ZNF518A: variants seen among roughly 807,000 people sequenced by gnomAD.
The protein encoded by ZNF518A is zinc finger protein 518.
Under a neutral mutation model 102.7 loss-of-function variants are expected in ZNF518A, and 47 were observed. The ratio of observed to expected loss-of-function variants is 0.46; its 90% CI spans 0.36 to 0.58. ZNF518A has a LOEUF of 0.58. Among genes scored for constraint, ZNF518A ranks in the 20% least tolerant of loss-of-function variants. The pLI, the probability that ZNF518A is intolerant of heterozygous loss-of-function variation, is 0.00. For missense variants in ZNF518A, 1,793 were observed against 1,699.8 expected (o/e 1.05, Z -0.96); for synonymous variants, 652 against 594.6 (o/e 1.10, Z -1.40).
intron 1 of ZNF518A, among the ~76,000 whole-genome samples, chr10:96,187,353 CTGAGTTATATGG>C (rs1362683863): frequency 1.4e-4 from 22 of 152,296 alleles, no homozygotes; most frequent in African/African-American, 4.8e-4. Flanking sequence ...GAAATAGAGG[CTGAGTTATATGG>C]TGTCTTAAGA....
At chr10:96,182,774 G>T (rs1347062905) in intron 1 of ZNF518A, among the ~76,000 whole-genome samples, 1 of 152,128 alleles carries the variant, frequency 6.6e-6, no homozygotes, top group Non-Finnish European at 1.5e-5. Context: ...CAAGGCTATT[G>T]CTCTAAAATT....
intron 3 of ZNF518A, among the ~76,000 whole-genome samples, chr10:96,143,572 T>C (rs782711237): frequency 3.3e-5 from 5 of 152,214 alleles, no homozygotes; most frequent in Non-Finnish European, 5.9e-5. Context: ...TTGTCAACTT[T>C]CTGTAGTATG....
intron 1 of ZNF518A, among the ~76,000 whole-genome samples, chr10:96,171,360 TAAATG>T (rs1239869634): frequency 6.6e-6 from 1 of 152,102 alleles, no homozygotes; most frequent in Non-Finnish European, 1.5e-5. Context: ...ATCATAAAAA[TAAATG>T]AGATAGTAAT....
intron 1 of ZNF518A, among the ~76,000 whole-genome samples, chr10:96,186,273 T>G (rs1300428684): frequency 6.6e-6 from 1 of 152,226 alleles, no homozygotes; most frequent in Non-Finnish European, 1.5e-5. Flanking sequence ...CAATTGGAAA[T>G]GCAGAAATCA....
At chr10:96,155,081 T>TA (rs1400961527) in intron 3 of ZNF518A, among the ~76,000 whole-genome samples, 1 of 151,902 alleles carries the variant, frequency 6.6e-6, no homozygotes, top group Non-Finnish European at 1.5e-5. Flanking sequence ...AGCACAAAAT[T>TA]AAAAACATGT....
chr10:96,150,170 A>C (rs2082363629), intron 3 of ZNF518A, among the ~76,000 whole-genome samples: 2 of 80,588 alleles, frequency 2.5e-5, no homozygotes, highest in South Asian at 1.2e-3. Context: ...TAAAAATACA[A>C]AAAAAAAAAA....
chr10:96,203,899 A>G, intron 2 of ZNF518A: 3 of 530,974 alleles, frequency 5.6e-6, no homozygotes, highest in South Asian at 3.6e-5. Context: ...TGAAATAAAC[A>G]TTCTTGGCCC....
chr10:96,151,475 C>T (rs1387440470), intron 3 of ZNF518A: 1 of 152,248 alleles, frequency 6.6e-6, no homozygotes, highest in Non-Finnish European at 1.5e-5. Context: ...GTTCTGGATT[C>T]ATTTCCTTCT....
chr10:96,201,026 C>T, intron 1 of ZNF518A: 1 of 1,614,102 alleles, frequency 6.2e-7, no homozygotes, highest in Non-Finnish European at 8.5e-7. Context: ...GGTAGGGGCC[C>T]ATCCACAGTT....
At position 96,157,203 on chromosome 10, in the gene ZNF518A, A is replaced by G. The variant is rs587717657; in HGVS notation, c.881A>G (p.Lys294Arg). Residue 294 changes from lysine (K) to arginine (R), a missense_variant, in exon 6 of 6, where the codon AAA becomes AGA. Around this residue, in one of 3 missense-constraint regions of ZNF518A, gnomAD observed 1,741 missense variants for 1,622.6 expected, o/e 1.07. Coordinates refer to ENST00000316045, the MANE Select transcript of ZNF518A (RefSeq NM_001330736.2). ...LHKEHLYAKE[K>R]LEKDKYEKRM... Reference sequence around the variant, plus strand: ...AAAGAACATTTATATGCAAAAGAAAAACTGGAAAAAGACAAATATGAAAAA... The same window carrying G: ...AAAGAACATTTATATGCAAAAGAAAGACTGGAAAAAGACAAATATGAAAAA... 8.1e-6 allele frequency: 13 copies of G among 1,610,244 alleles called. 1 individual carries two copies. The South Asian group carries it at 1.3e-4, about 16-fold the overall frequency.
rs2133931930 is a variant in ZNF518A, at chr10:96,197,049, A to G, written n.36-6525A>G. ...AATCATGGCCAGAGCTTTTCCGAAT[A>G]AGAAATGATCCATCCTGTTTAATTT... On this transcript the variant is annotated intron_variant and non_coding_transcript_variant, in intron 1 of 2. Coordinates refer to the ZNF518A transcript ENST00000442635. 2 of 1,612,734 alleles carry G rather than the reference A, an allele frequency of 1.2e-6. No homozygotes were observed. The highest frequency in any genetic ancestry group is 8.5e-7 in the Non-Finnish European group (1 of 1,179,342).
rs993767208 is a variant in ZNF518A, at chr10:96,133,603, C to T, written c.-347C>T. The stretch of plus-strand genomic sequence containing the variant: ...GATAGGTCCTGGGATCTTTGAAATG[C>T]TAAGATTCTTGGATACCACAGTATC... On this transcript the variant is annotated 5_prime_UTR_variant, in exon 3 of 6. Transcript: ENST00000316045. The T allele has an allele frequency of 1.3e-5, 2 of 152,120 alleles. No individual in the cohort carries two copies. Among genetic ancestry groups the T allele is most frequent in the African/African-American group, 4.8e-5 (2 of 41,434 alleles). 9.4% of individuals were successfully genotyped at this position (152,120 alleles called of 1,614,324 possible). A position where few individuals can be genotyped will look rare whatever the true frequency, so the allele number is the denominator to read the frequency against.
chr10:96,181,911 T>A (rs1554892057), intron 1 of ZNF518A, among the ~76,000 whole-genome samples: 2 of 152,360 alleles, frequency 1.3e-5, no homozygotes, highest in East Asian at 3.9e-4. Context: ...GCATTGAATC[T>A]ATAAATTACC....
intron 1 of ZNF518A, among the ~76,000 whole-genome samples, chr10:96,188,983 T>A (rs1362062304): frequency 6.6e-6 from 1 of 152,194 alleles, no homozygotes; most frequent in Non-Finnish European, 1.5e-5. Flanking sequence ...GGCCTACAGA[T>A]GCATCACTCC....
At chr10:96,151,500 C>T (rs2082448908) in intron 3 of ZNF518A, 1 of 152,268 alleles carries the variant, frequency 6.6e-6, no homozygotes, top group Non-Finnish European at 1.5e-5. Flanking sequence ...TGTACCTCAG[C>T]CTGAGCCTTC....
chr10:96,188,169 C>T (rs1383428620), intron 1 of ZNF518A, among the ~76,000 whole-genome samples: 1 of 152,208 alleles, frequency 6.6e-6, no homozygotes, highest in Non-Finnish European at 1.5e-5. Context: ...CTTTTCTAAT[C>T]TCATCAAGAA....
rs782507213 is a variant in ZNF518A at position 96,157,073 on chromosome 10, A to G, written c.751A>G (p.Lys251Glu). The G allele has an allele frequency of 6.2e-7, 1 of 1,613,748 alleles. No individual in the cohort carries two copies. The highest frequency in any genetic ancestry group is 8.5e-7 in the Non-Finnish European group (1 of 1,179,748). Residue 251 changes from lysine to glutamate, a missense_variant, in exon 6 of 6, where the codon AAG becomes GAG. Around this residue, in one of 3 missense-constraint regions of ZNF518A, gnomAD observed 1,741 missense variants for 1,622.6 expected, o/e 1.07. Transcript: ENST00000316045. Reference sequence around the variant, plus strand: ...ATGTTTTACCAAAGGAGAGCTTCAGAAGCACCTTCATATTCATTCTGGTAC... The same window carrying G: ...ATGTTTTACCAAAGGAGAGCTTCAGGAGCACCTTCATATTCATTCTGGTAC... ...HVCFTKGELQ[K>E]HLHIHSGTFP...
rs1195393956 is a variant in ZNF518A, at chr10:96,157,922, A to G, written c.1600A>G (p.Ile534Val). 2 of 1,613,852 alleles carry G rather than the reference A, an allele frequency of 1.2e-6. No individual in the cohort carries two copies. The highest frequency in any genetic ancestry group is 3.3e-5 in the Admixed American group (2 of 60,018). ...AAGTTCAGAAAAAGAAATGACTTTG[A>G]TATCTCAAAGGAATAATATGCTTCA... ...KASSEKEMTL[I>V]SQRNNMLQTM... is the part of the protein sequence containing the mutation. The change falls in exon 6 of 6, where the codon ATA (isoleucine) becomes GTA (valine). Residue 534 changes from isoleucine to valine, a missense_variant. Transcript: ENST00000316045.
chr10:96,190,078 C>A, intron 1 of ZNF518A: 1 of 859,018 alleles, frequency 1.2e-6, no homozygotes, highest in Non-Finnish European at 2.0e-6. Flanking sequence ...AGCCCCTAAA[C>A]TGACCGTTCT....
Sources: gnomAD v4.1 joint callset for allele counts (sites outside exome capture counted in the v4.1 genomes callset) on GRCh38, gnomAD v4.1.1 for gene constraint, gnomAD v4.1.1 regional missense constraint, MANE v1.5 for transcripts, NCBI Gene and HGNC (gene_info 2026-07-23, HGNC 2026-07-21) for gene names.